Variants in SORCS1 observed in about 807,000 individuals in gnomAD.
SORCS1 encodes sortilin related VPS10 domain containing receptor 1, also known as VPS10 domain-containing receptor SorCS1.
SORCS1 carries 60 observed loss-of-function variants against 146.1 expected under a neutral mutation model. The ratio of observed to expected loss-of-function variants is 0.41; its 90% confidence interval spans 0.33 to 0.51. The LOEUF (loss-of-function observed/expected upper bound fraction) is 0.51, where lower values mean the gene tolerates loss of function less well. SORCS1 is among the 20% of genes least tolerant of loss of function. The probability of loss-of-function intolerance (pLI) is 0.21; values close to 1 mark genes in which losing one functional copy is unlikely to be tolerated. For missense variants in SORCS1, 1,352 were observed against 1,487.6 expected (o/e 0.91, Z 1.50); for synonymous variants, 637 against 584.0 (o/e 1.09, Z -1.31).
intron 1 of SORCS1, among the ~76,000 whole-genome samples, chr10:106,961,146 C>A (rs1368874483): frequency 1.3e-5 from 2 of 152,028 alleles, no homozygotes; most frequent in Admixed American, 6.6e-5. Flanking sequence ...TGTAAATTAC[C>A]AAAAGTCAGT....
intron 10 of SORCS1, among the ~76,000 whole-genome samples, chr10:106,683,412 A>G (rs1486953854): frequency 6.6e-6 from 1 of 152,204 alleles, no homozygotes; most frequent in Non-Finnish European, 1.5e-5. Context: ...TAGGTTCCAC[A>G]TAGAAGACAG....
chr10:106,820,053 T>C (rs1947934919), intron 3 of SORCS1, among the ~76,000 whole-genome samples: 2 of 152,226 alleles, frequency 1.3e-5, no homozygotes, highest in African/African-American at 2.4e-5. Context: ...TCTTCTCTTA[T>C]CTGTGAGAGG....
At chr10:107,044,627 G>C (rs1343023671) in intron 1 of SORCS1, among the ~76,000 whole-genome samples, 1 of 149,574 alleles carries the variant, frequency 6.7e-6, no homozygotes, top group Non-Finnish European at 1.5e-5. Context: ...TTTGAAACCA[G>C]CCTGGCCAAT....
intron 5 of SORCS1, among the ~76,000 whole-genome samples, chr10:106,757,134 G>A (rs111556625): frequency 4.6e-4 from 70 of 152,248 alleles, no homozygotes; most frequent in African/African-American, 1.6e-3. Flanking sequence ...AGAATAAGCT[G>A]TTGCATGCCA....
intron 1 of SORCS1, among the ~76,000 whole-genome samples, chr10:107,062,128 T>C (rs1961288129): frequency 6.6e-6 from 1 of 152,186 alleles, no homozygotes; most frequent in African/African-American, 2.4e-5. Context: ...GCTAGGAAGC[T>C]ACCTGTGTAC....
chr10:106,739,693 C>T lies in SORCS1; in HGVS notation c.960-9579G>A, dbSNP rs1025602749. 4.0e-5 allele frequency among the ~76,000 whole-genome samples: 6 copies of T among 150,016 alleles called. No homozygotes were observed. In the East Asian group the frequency reaches 9.9e-4, roughly 25 times the overall value. On this transcript the variant is annotated intron_variant, in intron 5 of 25. Coordinates refer to ENST00000263054, the MANE Select transcript of SORCS1 (RefSeq NM_052918.5). ...TATAGCTGGGTGTGGTGGCGAGCGC[C>T]GTAATCCCAGCACTTTGGGAGGCCG...
intron 17 of SORCS1, among the ~76,000 whole-genome samples, chr10:106,663,584 C>T (rs1172908457): frequency 2.0e-5 from 3 of 152,156 alleles, no homozygotes; most frequent in Non-Finnish European, 2.9e-5. Context: ...TAAAATACCA[C>T]TGAATCAACA....
chr10:106,962,823 A>G (rs1408074937), intron 1 of SORCS1, among the ~76,000 whole-genome samples: 2 of 152,178 alleles, frequency 1.3e-5, no homozygotes, highest in Non-Finnish European at 2.9e-5. Context: ...GGGAACAACC[A>G]TATTGAAGAT....
At chr10:106,780,559 G>T (rs12246184) in intron 3 of SORCS1, among the ~76,000 whole-genome samples, 7,120 of 152,294 alleles carry the variant, frequency 0.047, 263 homozygotes, top group East Asian at 0.11. Flanking sequence ...ATAAAGGAAT[G>T]AATAAATGAA....
At chr10:106,579,094 T>C in intron 25 of SORCS1, 1 of 1,613,896 alleles carries the variant, frequency 6.2e-7, no homozygotes, top group Non-Finnish European at 8.5e-7. Context: ...CATTTACCTA[T>C]GAGCTGGGAT....
chr10:106,948,297 A>G (rs1954470884), intron 2 of SORCS1, among the ~76,000 whole-genome samples: 1 of 152,172 alleles, frequency 6.6e-6, no homozygotes, highest in African/African-American at 2.4e-5. Flanking sequence ...TGAAAAAAAA[A>G]AAATGTATCT....
intron 1 of SORCS1, among the ~76,000 whole-genome samples, chr10:107,101,465 T>C (rs1590138223): frequency 6.6e-6 from 1 of 152,372 alleles, no homozygotes; most frequent in East Asian, 1.9e-4. Flanking sequence ...GTTTAAACTC[T>C]ATGGGTTTTG....
rs1331800661 is a variant in SORCS1 at position 106,864,243 on chromosome 10, C to T, written c.627-34570G>A. Among the ~76,000 whole-genome samples, 8 of 152,240 alleles carry T rather than the reference C, an allele frequency of 5.3e-5. No individual in the cohort carries two copies. In the South Asian group the frequency reaches 1.2e-3, roughly 24 times the overall value. On this transcript the variant is annotated intron_variant, in intron 2 of 25. Coordinates refer to ENST00000263054, the MANE Select transcript of SORCS1 (RefSeq NM_052918.5). ...CTAATCAAGAGAACAACTCAGTCCA[C>T]GGAGAACAGAGAAAAGCAAGGCAGA...
At chr10:107,048,688 T>C (rs1959761638) in intron 1 of SORCS1, among the ~76,000 whole-genome samples, 1 of 152,222 alleles carries the variant, frequency 6.6e-6, no homozygotes, top group South Asian at 2.1e-4. Context: ...TACTTAAGTG[T>C]ACCTCTTCAC....
At chr10:106,702,009 G>A (rs1011837446) in intron 8 of SORCS1, among the ~76,000 whole-genome samples, 4 of 152,168 alleles carry the variant, frequency 2.6e-5, no homozygotes, top group African/African-American at 9.6e-5. Flanking sequence ...AAATACTCAA[G>A]TCCTAACTAT....
intron 1 of SORCS1, among the ~76,000 whole-genome samples, chr10:107,147,659 T>C (rs1171205100): frequency 1.3e-5 from 2 of 152,190 alleles, no homozygotes; most frequent in African/African-American, 4.8e-5. Context: ...TTATGGTATA[T>C]CAATGCTGAC....
chr10:106,727,738 G>A (rs1856305719), intron 6 of SORCS1, among the ~76,000 whole-genome samples: 1 of 152,166 alleles, frequency 6.6e-6, no homozygotes, highest in African/African-American at 2.4e-5. Flanking sequence ...TAAGAAATAG[G>A]CGATTAACCT....
At chr10:107,050,138 G>C (rs12773016) in intron 1 of SORCS1, among the ~76,000 whole-genome samples, 35,461 of 152,116 alleles carry the variant, frequency 0.23, 5,225 homozygotes, top group Middle Eastern at 0.39. Flanking sequence ...CTAAGGGGGA[G>C]ATTCAGTCAA....
At chr10:106,608,165 C>A (rs938145519) in intron 22 of SORCS1, among the ~76,000 whole-genome samples, 3 of 152,196 alleles carry the variant, frequency 2.0e-5, no homozygotes, top group Admixed American at 1.3e-4. Context: ...TGCAAGAATT[C>A]CCAATGCTAA....
Sources: allele counts gnomAD v4.1 joint callset (sites outside exome capture counted in the v4.1 genomes callset), GRCh38; gene constraint gnomAD v4.1.1; transcripts MANE v1.5; gene names NCBI Gene and HGNC (gene_info 2026-07-23, HGNC 2026-07-21).